DSC3: variants seen among roughly 807,000 people sequenced by gnomAD.
DSC3 encodes desmocollin 3, also known as desmocollin-3.
A neutral mutation model predicts 89.5 loss-of-function variants in DSC3; 97 were observed. The ratio of observed to expected loss-of-function variants is 1.08; its 90% CI spans 0.92 to 1.28. DSC3 has a LOEUF of 1.28. DSC3 is among the 50% of genes most tolerant of loss of function. The pLI is 0.00. For synonymous variants in DSC3, 436 were observed against 384.1 expected, an observed-to-expected ratio of 1.14 and a Z score of -1.58; for missense variants, 1,199 against 1,085.3, an observed-to-expected ratio of 1.10 and a Z score of -1.47.
intron 1 of DSC3, among the ~76,000 whole-genome samples, chr18:31,033,532 T>G (rs1046453838): frequency 6.6e-6 from 1 of 152,118 alleles, no homozygotes; most frequent in East Asian, 1.9e-4. Context: ...TTGGGATAAT[T>G]TGATATCTTC....
Position 30,992,247 on chromosome 18 carries a change from A to G in DSC3, c.*1928T>C, listed in dbSNP as rs1984288478. On this transcript the variant is annotated 3_prime_UTR_variant, in exon 16 of 16. Transcript: ENST00000360428. ...TTTAGGGTCAAATTAGAAAACAGAA[A>G]ATGTAGGAATAAATCAGAATTTTAG... is the stretch of plus-strand genomic sequence containing the variant. 1 of 151,932 alleles carries G rather than the reference A, an allele frequency of 6.6e-6. No individual in the cohort carries two copies. Among genetic ancestry groups the G allele is most frequent in the Non-Finnish European group, 1.5e-5 (1 of 67,996 alleles). The allele number at this position is 151,932 out of a possible 1,614,324, so 9.4% of individuals were successfully genotyped here.
intron 1 of DSC3, among the ~76,000 whole-genome samples, chr18:31,039,677 C>T (rs1986073311): frequency 1.3e-5 from 2 of 152,110 alleles, no homozygotes; most frequent in African/African-American, 4.8e-5. Flanking sequence ...TGATTAACTA[C>T]AGGTCACCAC....
At position 31,018,700 on chromosome 18, in the gene DSC3, G is replaced by T. The variant is rs763095783; in HGVS notation, c.1043C>A (p.Ser348Ter). 6.2e-7 allele frequency: 1 copy of T among 1,613,488 alleles called. No individual in the cohort carries two copies. ...TSTCIITVTDSNDNAPTFRQN... is the reference protein window; with the variant it reads ...TSTCIITVTD ...TCTGAAAGTGGGTGCATTATCATTTGAATCTGTTACTGTTATGATACAAGT... is the reference window on the plus strand; with the variant it reads ...TCTGAAAGTGGGTGCATTATCATTTTAATCTGTTACTGTTATGATACAAGT... The change falls in exon 8 of 16, where the codon TCA becomes TAA. Residue 348 changes from serine (S) to a stop codon, truncating the protein, a stop_gained. Coordinates refer to ENST00000360428, the MANE Select transcript of DSC3 (RefSeq NM_001941.5). LOFTEE classifies it high-confidence loss of function.
rs974818366 is a variant in DSC3 at position 30,990,921 on chromosome 18, T to C, written c.*3254A>G. 1 of 152,160 alleles carries C rather than the reference T, an allele frequency of 6.6e-6. No homozygotes were observed. Among genetic ancestry groups the C allele is most frequent in the Admixed American group, 6.6e-5 (1 of 15,266 alleles). 9.4% of individuals were successfully genotyped at this position (152,160 alleles called of 1,614,324 possible). ...AATATATATTAATGATGTCGACAATTTGATAATGAAACATTGTCCAAAATA... is the reference window on the plus strand; with the variant it reads ...AATATATATTAATGATGTCGACAATCTGATAATGAAACATTGTCCAAAATA... On this transcript the variant is annotated 3_prime_UTR_variant, in exon 16 of 16. Coordinates refer to ENST00000360428, the MANE Select transcript of DSC3 (RefSeq NM_001941.5).
chr18:31,017,181 T>C (rs1985263587), intron 9 of DSC3, among the ~76,000 whole-genome samples: 1 of 152,042 alleles, frequency 6.6e-6, no homozygotes, highest in South Asian at 2.1e-4. Flanking sequence ...ATGTCAAGAG[T>C]CTATATTTGA....
At chr18:31,014,635 A>G (rs985011663) in intron 9 of DSC3, among the ~76,000 whole-genome samples, 89 of 152,318 alleles carry the variant, frequency 5.8e-4, no homozygotes, top group African/African-American at 2.1e-3. Flanking sequence ...AGTGTCTGGC[A>G]TTTAGTAAAT....
rs776595874 is a variant in DSC3 at position 31,008,189 on chromosome 18, T to C, written c.1521-31A>G. ...AATAAAAAAAAAATAGTCTTTAGCATCAGAAAATGTTTTCAAATAAGTTAC... is the reference window on the plus strand; with the variant it reads ...AATAAAAAAAAAATAGTCTTTAGCACCAGAAAATGTTTTCAAATAAGTTAC... On this transcript the variant is annotated intron_variant, in intron 10 of 15. Coordinates refer to ENST00000360428, the MANE Select transcript of DSC3 (RefSeq NM_001941.5). 4 of 1,607,358 alleles carry C rather than the reference T, an allele frequency of 2.5e-6. No individual in the cohort carries two copies. In the South Asian group the frequency reaches 4.4e-5, roughly 18 times the overall value.
rs1205432423 is a variant in DSC3 at position 31,008,102 on chromosome 18, G to T, written c.1577C>A (p.Ser526Ter). The change falls in exon 11 of 16, where the codon TCA becomes TAA. Residue 526 changes from serine (S) to a stop codon, truncating the protein, a stop_gained. Coordinates refer to ENST00000360428, the MANE Select transcript of DSC3 (RefSeq NM_001941.5). LOFTEE classifies it high-confidence loss of function. Reference protein sequence around the residue: ...GWITIDEISGSIITSKILDRE... With the variant: ...GWITIDEISG ...ATCCAGGATTTTGGAAGTTATGATT[G>T]ACCCTGAAATTTCATCAATGGTGAT... 9 of 1,612,438 alleles carry T rather than the reference G, an allele frequency of 5.6e-6. No homozygotes were observed. The highest frequency in any genetic ancestry group is 7.6e-6 in the Non-Finnish European group (9 of 1,179,354).
Position 31,031,069 on chromosome 18 carries a change from C to A in DSC3, c.258G>T (p.Ala86=). 1 of 1,613,992 alleles carries A rather than the reference C, an allele frequency of 6.2e-7. No individual in the cohort carries two copies. The highest frequency in any genetic ancestry group is 1.3e-5 in the African/African-American group (1 of 75,022). The stretch of plus-strand genomic sequence containing the variant: ...TAAATGATCTTTTCTTATCAGACAG[C>A]GCAACAGCCCTGGCTGTGTACACTG... The part of the protein sequence containing the change: ...DGSVYTARAV[A]LSDKKRSFTI... The change falls in exon 3 of 16, where the codon GCG becomes GCT. Residue 86 remains alanine (A), a synonymous_variant. Transcript: ENST00000360428.
intron 8 of DSC3, among the ~76,000 whole-genome samples, 177 bp downstream of exon 8, chr18:31,018,489 C>T (rs984107000): frequency 6.6e-6 from 1 of 151,978 alleles, no homozygotes; most frequent in African/African-American, 2.4e-5. Flanking sequence ...ATAATAGAAA[C>T]ACTAATATGA....
chr18:31,004,435 C>G (rs902246847), intron 12 of DSC3, 69 bp from the exon 13 acceptor site: 1 of 1,450,100 alleles, frequency 6.9e-7, no homozygotes, highest in African/African-American at 1.4e-5. Flanking sequence ...TGTTTCATCA[C>G]GCTTGTTTTT....
intron 1 of DSC3, among the ~76,000 whole-genome samples, chr18:31,040,213 C>A (rs1305769169): frequency 6.6e-6 from 1 of 151,834 alleles, no homozygotes; most frequent in African/African-American, 2.4e-5. Context: ...GAAGAGGAGC[C>A]CTTTTAACAA....
chr18:31,034,908 AATTGTGCACTT>A (rs1343270003), intron 1 of DSC3, among the ~76,000 whole-genome samples: 1 of 152,184 alleles, frequency 6.6e-6, no homozygotes, highest in Non-Finnish European at 1.5e-5. Context: ...CAATTCACTG[AATTGTGCACTT>A]AACAAAGGTG....
At chr18:30,995,132 T>C (rs1301982115) in intron 15 of DSC3, among the ~76,000 whole-genome samples, 1 of 152,234 alleles carries the variant, frequency 6.6e-6, no homozygotes, top group Non-Finnish European at 1.5e-5. Context: ...GCCACTGGCC[T>C]GTCTGCCAAC....
intron 1 of DSC3, among the ~76,000 whole-genome samples, chr18:31,033,958 G>A (rs1049512800): frequency 2.6e-5 from 4 of 152,110 alleles, no homozygotes; most frequent in Admixed American, 1.3e-4. Context: ...GGAGTAGCTG[G>A]GACTACAGGT....
At chr18:31,008,666 C>T (rs997966417) in intron 9 of DSC3, 141 bp from the exon 10 acceptor site, 10 of 1,140,488 alleles carry the variant, frequency 8.8e-6, no homozygotes, top group Admixed American at 7.7e-5. Flanking sequence ...TTATCCCTTG[C>T]TAAACAGAGA....
In DSC3 at chr18:31,008,362, T is replaced by A. The variant is rs112863170; in HGVS notation, c.1427A>T (p.Gln476Leu). 1.1e-5 allele frequency: 17 copies of A among 1,614,148 alleles called. No individual in the cohort carries two copies. In the African/African-American group the frequency reaches 1.1e-4, roughly 10 times the overall value. ...TAAGTTTTCTTTAATCCGCACATATTGGGCTGCAGGAGTGCATTCAGGCCC... is the reference window on the plus strand; with the variant it reads ...TAAGTTTTCTTTAATCCGCACATATAGGGCTGCAGGAGTGCATTCAGGCCC... Reference protein sequence around the residue: ...DEGPECTPAAQYVRIKENLAV... With the variant: ...DEGPECTPAALYVRIKENLAV... Residue 476 changes from glutamine (Q) to leucine (L), a missense_variant, in exon 10 of 16, where the codon CAA becomes CTA. Coordinates refer to ENST00000360428, the MANE Select transcript of DSC3 (RefSeq NM_001941.5).
At chr18:31,018,575 A>G in intron 8 of DSC3, 91 bp downstream of exon 8, 1 of 1,366,044 alleles carries the variant, frequency 7.3e-7, no homozygotes, top group Non-Finnish European at 1.0e-6. Context: ...TCAAAGTATG[A>G]TACTTCATGA....
chr18:31,029,614 T>C lies in DSC3; in HGVS notation c.369A>G (p.Arg123=), dbSNP rs927270574. The change falls in exon 4 of 16, where the codon AGA becomes AGG. Residue 123 remains arginine, a synonymous_variant. Coordinates refer to ENST00000360428, the MANE Select transcript of DSC3 (RefSeq NM_001941.5). ...GCCTGAGAACAGTTTCTCTAGTGTG[T>C]CTTGTCTTCGATACCTGAATTTAGA... ...LEHQKKVSKT[R]HTRETVLRRA... The C allele has an allele frequency of 3.1e-6, 5 of 1,613,806 alleles. No homozygotes were observed. Among genetic ancestry groups the C allele is most frequent in the Admixed American group, 1.7e-5 (1 of 60,028 alleles).
Sources: gnomAD v4.1 joint callset for allele counts (sites outside exome capture counted in the v4.1 genomes callset) on GRCh38, gnomAD v4.1.1 for gene constraint, MANE v1.5 for transcripts, NCBI Gene and HGNC (gene_info 2026-07-23, HGNC 2026-07-21) for gene names.